Variants in WWOX observed in about 807,000 individuals in gnomAD.
The protein encoded by WWOX is WW domain-containing oxidoreductase.
In WWOX, 69 loss-of-function variants were observed where a neutral mutation model predicts 46.2. That is an observed-to-expected ratio of 1.49 (90% CI 1.23 to 1.82). WWOX has a LOEUF of 1.82. Among genes scored for constraint, WWOX ranks in the 40% most tolerant of loss-of-function variants. The probability of loss-of-function intolerance (pLI) is 0.00; values close to 1 mark genes in which losing one functional copy is unlikely to be tolerated. For synonymous variants in WWOX, 359 were observed against 202.6 expected (o/e 1.77, Z -6.56); for missense variants, 919 against 542.6 (o/e 1.69, Z -6.89).
intron 8 of WWOX, among the ~76,000 whole-genome samples, chr16:79,156,922 T>G (rs1285097510): frequency 2.0e-5 from 3 of 152,188 alleles, no homozygotes; most frequent in Non-Finnish European, 2.9e-5. Flanking sequence ...ATATGTAGAT[T>G]TACAATATGT....
chr16:78,326,453 G>A (rs12444775), intron 5 of WWOX, among the ~76,000 whole-genome samples: 17,282 of 151,724 alleles, frequency 0.11, 1,287 homozygotes, highest in East Asian at 0.23. Flanking sequence ...TTGTTATCGC[G>A]CAAAGGAAGC....
intron 8 of WWOX, among the ~76,000 whole-genome samples, chr16:78,865,029 C>T (rs1188918925): frequency 1.3e-5 from 2 of 151,982 alleles, no homozygotes; most frequent in African/African-American, 2.4e-5. Context: ...TCCCAAAGTG[C>T]TGTGATTACA....
chr16:78,277,590 C>T (rs1359451336), intron 5 of WWOX, among the ~76,000 whole-genome samples: 1 of 152,144 alleles, frequency 6.6e-6, no homozygotes, highest in East Asian at 1.9e-4. Flanking sequence ...CAATCTGCTT[C>T]AGTGTGAGCT....
intron 5 of WWOX, among the ~76,000 whole-genome samples, chr16:78,235,499 C>T (rs956452855): frequency 3.3e-5 from 5 of 152,144 alleles, no homozygotes; most frequent in Admixed American, 6.6e-5. Flanking sequence ...GAAAAGCCTC[C>T]GGACCGGGTC....
chr16:78,833,305 T>A (rs1177338748), intron 8 of WWOX, among the ~76,000 whole-genome samples: 1 of 152,096 alleles, frequency 6.6e-6, no homozygotes, highest in Non-Finnish European at 1.5e-5. Flanking sequence ...CCTCATTCTC[T>A]CAAAGCACTG....
Position 78,917,138 on chromosome 16 carries a change from A to C in WWOX, c.1057-294470A>C, listed in dbSNP as rs984038492. Among the ~76,000 whole-genome samples, 5 of 152,334 alleles carry C rather than the reference A, an allele frequency of 3.3e-5. No homozygotes were observed. The East Asian group carries it at 5.8e-4, about 18-fold the overall frequency. On this transcript the variant is annotated intron_variant, in intron 8 of 8. Coordinates refer to ENST00000566780, the MANE Select transcript of WWOX (RefSeq NM_016373.4). ...GAATTTAGTCTGACGTGGCTGGGAC[A>C]ACATGCCCACTCTCAACCAATTTTT...
chr16:78,173,245 A>T (rs985904845), intron 5 of WWOX, among the ~76,000 whole-genome samples: 1 of 152,172 alleles, frequency 6.6e-6, no homozygotes, highest in Non-Finnish European at 1.5e-5. Context: ...CCCAGTGTGA[A>T]TACTAACTCA....
intron 8 of WWOX, among the ~76,000 whole-genome samples, chr16:79,052,140 T>C (rs2048179807): frequency 6.6e-6 from 1 of 152,076 alleles, no homozygotes; most frequent in Non-Finnish European, 1.5e-5. Flanking sequence ...CTGCACCCAC[T>C]AACTCGTCAT....
At chr16:78,578,578 G>A (rs1004482587) in intron 8 of WWOX, among the ~76,000 whole-genome samples, 27 of 151,822 alleles carry the variant, frequency 1.8e-4, no homozygotes, top group African/African-American at 5.1e-4. Context: ...GTGAGCCACC[G>A]CGGCTGGCGA....
At chr16:78,416,888 C>T (rs543076127) in intron 6 of WWOX, among the ~76,000 whole-genome samples, 75 of 152,300 alleles carry the variant, frequency 4.9e-4, no homozygotes, top group African/African-American at 1.7e-3. Context: ...GACACAGATT[C>T]ACAGGGGTGA....
intron 8 of WWOX, among the ~76,000 whole-genome samples, chr16:79,210,412 T>C (rs912354033): frequency 6.6e-5 from 10 of 152,210 alleles, no homozygotes; most frequent in Non-Finnish European, 7.4e-5. Context: ...GTAAGCACCC[T>C]GCATGGTCAC....
chr16:78,619,341 A>T (rs2151641487), intron 8 of WWOX, among the ~76,000 whole-genome samples: 1 of 125,170 alleles, frequency 8.0e-6, no homozygotes, highest in South Asian at 2.9e-4. Flanking sequence ...CAGCCTGGGC[A>T]ACAGAGCAAG....
chr16:78,101,185 C>T (rs942854618), intron 1 of WWOX, among the ~76,000 whole-genome samples: 4 of 148,282 alleles, frequency 2.7e-5, no homozygotes, highest in Admixed American at 6.7e-5. Flanking sequence ...GTAGCTGGGA[C>T]TACAGGCGCC....
intron 8 of WWOX, among the ~76,000 whole-genome samples, chr16:79,002,790 A>C (rs1324795254): frequency 6.6e-6 from 1 of 152,184 alleles, no homozygotes; most frequent in Non-Finnish European, 1.5e-5. Context: ...GGTTCACACC[A>C]AGGCCTGTCT....
chr16:78,100,953 G>C (rs781507985), intron 1 of WWOX, among the ~76,000 whole-genome samples: 1 of 152,076 alleles, frequency 6.6e-6, no homozygotes, highest in East Asian at 1.9e-4. Context: ...AATATCACCT[G>C]GTTTTGAGAA....
In WWOX at chr16:78,744,422, C is replaced by CTTTT. The variant is rs976073233; in HGVS notation, c.1056+311694_1056+311697dup. ...TAGGAAGGGCCCATGGTCCACACTGCTTTTTTTTTTTTTTTTTTTTTTTTT... is the reference window on the plus strand; with the variant it reads ...TAGGAAGGGCCCATGGTCCACACTGCTTTTTTTTTTTTTTTTTTTTTTTTTTTTT... On this transcript the variant is annotated intron_variant, in intron 8 of 8. Transcript: ENST00000566780. 1.2e-4 allele frequency among the ~76,000 whole-genome samples: 10 copies of CTTTT among 82,240 alleles called. 1 individual carries two copies. Among genetic ancestry groups the CTTTT allele is most frequent in the African/African-American group, 3.7e-4 (6 of 16,328 alleles). The allele number at this position is 82,240 out of a possible 152,430, so 54.0% of individuals were successfully genotyped here. A position where few individuals can be genotyped will look rare whatever the true frequency, so the allele number is the denominator to read the frequency against.
chr16:78,344,866 G>T (rs1302552640), intron 5 of WWOX, among the ~76,000 whole-genome samples: 1 of 121,334 alleles, frequency 8.2e-6, no homozygotes, highest in African/African-American at 2.8e-5. Context: ...GAAGAAGTTA[G>T]TTTGGTGAAC....
chr16:78,692,213 A>C (rs2048005494), intron 8 of WWOX, among the ~76,000 whole-genome samples: 1 of 152,200 alleles, frequency 6.6e-6, no homozygotes, highest in African/African-American at 2.4e-5. Flanking sequence ...GGAACTGTCT[A>C]ACTCCTAAGG....
intron 8 of WWOX, among the ~76,000 whole-genome samples, chr16:78,504,519 G>C (rs2085145142): frequency 6.6e-6 from 1 of 152,186 alleles, no homozygotes; most frequent in South Asian, 2.1e-4. Context: ...GGCATGGAAA[G>C]TACATTGCTA....
Sources: allele counts gnomAD v4.1 joint callset (sites outside exome capture counted in the v4.1 genomes callset), GRCh38; gene constraint gnomAD v4.1.1; transcripts MANE v1.5; gene names NCBI Gene and HGNC (gene_info 2026-07-23, HGNC 2026-07-21).